Variants in TAF4B observed in about 807,000 individuals in gnomAD.
TAF4B encodes the protein TATA-box binding protein associated factor 4b.
TAF4B carries 38 observed loss-of-function variants against 86.4 expected under a neutral mutation model. That is an observed-to-expected ratio of 0.44 (90% CI 0.34 to 0.58). TAF4B has a LOEUF of 0.58. TAF4B is among the 20% of genes least tolerant of loss of function. TAF4B has a pLI of 0.02. For missense variants in TAF4B, 988 were observed against 1,027.6 expected (o/e 0.96, Z 0.53); for synonymous variants, 388 against 391.2 (o/e 0.99, Z 0.10).
intron 1 of TAF4B, among the ~76,000 whole-genome samples, chr18:26,237,300 C>T (rs549693917): frequency 2.0e-5 from 3 of 152,296 alleles, no homozygotes; most frequent in African/African-American, 7.2e-5. Context: ...CAAGACATCT[C>T]TCCAAGTGAG....
intron 14 of TAF4B, 39 bp from the exon 15 acceptor site, chr18:26,389,806 A>T (rs1978599694): frequency 1.3e-6 from 2 of 1,592,440 alleles, no homozygotes; most frequent in Non-Finnish European, 8.5e-7. Context: ...TTTATGAAAG[A>T]TTTTTATTTC....
intron 14 of TAF4B, among the ~76,000 whole-genome samples, chr18:26,388,045 A>T (rs1254275779): frequency 6.6e-6 from 1 of 152,238 alleles, no homozygotes; most frequent in Non-Finnish European, 1.5e-5. Flanking sequence ...ATAAAAGGAC[A>T]GTAACAGAAC....
intron 1 of TAF4B, among the ~76,000 whole-genome samples, chr18:26,241,534 A>C (rs1020293810): frequency 1.3e-5 from 2 of 152,114 alleles, no homozygotes; most frequent in African/African-American, 4.8e-5. Context: ...TCAAAAAACC[A>C]GCTCCTGGAT....
chr18:26,382,772 A>G (rs1220520569), intron 14 of TAF4B, among the ~76,000 whole-genome samples: 2 of 152,238 alleles, frequency 1.3e-5, no homozygotes, highest in Non-Finnish European at 2.9e-5. Flanking sequence ...ACTGTAAAGT[A>G]TTCACAGGTA....
intron 9 of TAF4B, among the ~76,000 whole-genome samples, chr18:26,302,598 A>G (rs1345123025): frequency 6.6e-6 from 1 of 151,974 alleles, no homozygotes; most frequent in Non-Finnish European, 1.5e-5. Context: ...GGTGGCCTCA[A>G]GTGATCCTCC....
chr18:26,375,752 TA>T (rs1423937192), intron 14 of TAF4B, among the ~76,000 whole-genome samples: 1 of 152,184 alleles, frequency 6.6e-6, no homozygotes, highest in Non-Finnish European at 1.5e-5. Context: ...TGGTTACTTG[TA>T]TTTAGTTGTC....
intron 1 of TAF4B, among the ~76,000 whole-genome samples, chr18:26,253,517 A>G (rs1489569047): frequency 6.6e-6 from 1 of 152,180 alleles, no homozygotes; most frequent in African/African-American, 2.4e-5. Flanking sequence ...TATATCCATA[A>G]GGGATATTGA....
intron 1 of TAF4B, among the ~76,000 whole-genome samples, chr18:26,247,302 T>C (rs918675836): frequency 6.6e-6 from 1 of 152,210 alleles, no homozygotes; most frequent in Admixed American, 6.5e-5. Context: ...TTATGTGGAA[T>C]ACAATGTTGC....
Position 26,265,323 on chromosome 18 carries a change from A to G in TAF4B, c.489+8A>G. ...AAAATCTGTACAGTGCCGGTAATAT[A>G]CCTTAAATATTTTTCATCTTTCTTT... On this transcript the variant is annotated splice_region_variant and intron_variant, in intron 2 of 14. Coordinates refer to ENST00000269142, the MANE Select transcript of TAF4B (RefSeq NM_005640.3). The G allele has an allele frequency of 6.3e-7, 1 of 1,582,318 alleles. No homozygotes were observed. Among genetic ancestry groups the G allele is most frequent in the Non-Finnish European group, 8.6e-7 (1 of 1,168,700 alleles).
At chr18:26,272,623 C>A (rs575571716) in intron 3 of TAF4B, among the ~76,000 whole-genome samples, 2 of 152,054 alleles carry the variant, frequency 1.3e-5, no homozygotes, top group Non-Finnish European at 2.9e-5. Flanking sequence ...GGACAGTACA[C>A]CCCCAAGGAA....
chr18:26,388,820 A>T (rs1004384361), intron 14 of TAF4B, among the ~76,000 whole-genome samples: 8 of 151,512 alleles, frequency 5.3e-5, no homozygotes, highest in East Asian at 1.9e-4. Context: ...TATTTTTATT[A>T]TTTTCATTTT....
chr18:26,290,947 C>T (rs1459072843), intron 7 of TAF4B, among the ~76,000 whole-genome samples: 1 of 152,168 alleles, frequency 6.6e-6, no homozygotes, highest in African/African-American at 2.4e-5. Context: ...AATATGATCT[C>T]AGCTTCATTG....
chr18:26,321,057 T>C lies in TAF4B; in HGVS notation c.2003-13T>C. 1 of 1,613,574 alleles carries C rather than the reference T, an allele frequency of 6.2e-7. No homozygotes were observed. On this transcript the variant is annotated splice_polypyrimidine_tract_variant and intron_variant, in intron 10 of 14. Transcript: ENST00000269142. ...CTACTAAAACACGTAATGGATTTTC[T>C]CTGCTTCTGCAGGTAAAAAGCATGA...
intron 7 of TAF4B, among the ~76,000 whole-genome samples, chr18:26,288,089 C>T (rs773029764): frequency 6.6e-6 from 1 of 152,156 alleles, no homozygotes; most frequent in Non-Finnish European, 1.5e-5. Flanking sequence ...AGAGGAATTG[C>T]CCCAAGGAAA....
At chr18:26,267,279 A>T in intron 2 of TAF4B, 1 of 351,656 alleles carries the variant, frequency 2.8e-6, no homozygotes, top group Non-Finnish European at 5.1e-6. Context: ...TTGAAATTTC[A>T]GATAAATGGG....
At chr18:26,352,836 A>G (rs1274487394) in intron 13 of TAF4B, among the ~76,000 whole-genome samples, 1 of 152,214 alleles carries the variant, frequency 6.6e-6, no homozygotes, top group African/African-American at 2.4e-5. Flanking sequence ...TTAAATGACC[A>G]ATACCTCGAA....
At position 26,391,256 on chromosome 18, in the gene TAF4B, G is replaced by T. The variant is rs1598850593; in HGVS notation, c.*1244G>T. 6.6e-6 allele frequency: 1 copy of T among 151,042 alleles called. No individual in the cohort carries two copies. The highest frequency in any genetic ancestry group is 1.9e-4 in the East Asian group (1 of 5,172). 9.4% of individuals were successfully genotyped at this position (151,042 alleles called of 1,614,324 possible). ...ATTCCACGTGTGTGGAATACAGCCG[G>T]TGAAAAATAATCACTGTAGTTAGAA... On this transcript the variant is annotated 3_prime_UTR_variant, in exon 15 of 15. Coordinates refer to ENST00000269142, the MANE Select transcript of TAF4B (RefSeq NM_005640.3).
chr18:26,361,599 G>A (rs192645283), intron 14 of TAF4B, among the ~76,000 whole-genome samples: 1 of 151,804 alleles, frequency 6.6e-6, no homozygotes, highest in Non-Finnish European at 1.5e-5. Context: ...ACAAAAATTA[G>A]CTGGGCGTGG....
At chr18:26,333,898 G>C (rs78358356) in intron 12 of TAF4B, among the ~76,000 whole-genome samples, 11,858 of 152,098 alleles carry the variant, frequency 0.078, 582 homozygotes, top group Non-Finnish European at 0.1. Flanking sequence ...GTAGCACACA[G>C]AGTAGAATCT....
Sources: allele counts gnomAD v4.1 joint callset (sites outside exome capture counted in the v4.1 genomes callset), GRCh38; gene constraint gnomAD v4.1.1; transcripts MANE v1.5; gene names NCBI Gene and HGNC (gene_info 2026-07-23, HGNC 2026-07-21).